Variants in CCND3 observed in about 807,000 individuals in gnomAD.
CCND3 encodes cyclin D3.
Under a neutral mutation model 28.7 loss-of-function variants are expected in CCND3, and 9 were observed. That is an observed-to-expected ratio of 0.31 (90% CI 0.19 to 0.55). CCND3 has a LOEUF of 0.55. Among genes scored for constraint, CCND3 ranks in the 20% least tolerant of loss-of-function variants. CCND3 has a pLI of 0.93. For missense variants in CCND3, 315 were observed against 385.8 expected (o/e 0.82, Z 1.54); for synonymous variants, 164 against 163.9 (o/e 1.00, Z 0.00).
intron 1 of CCND3, among the ~76,000 whole-genome samples, chr6:41,977,049 C>T (rs1379715399): frequency 6.6e-6 from 1 of 152,172 alleles, no homozygotes; most frequent in African/African-American, 2.4e-5. Context: ...TATCCAAAAG[C>T]TCGCGTTTGT....
intron 1 of CCND3, among the ~76,000 whole-genome samples, chr6:41,958,459 G>A (rs1776493348): frequency 6.6e-6 from 1 of 152,046 alleles, no homozygotes. Flanking sequence ...CATTCACTTG[G>A]TCCACAGAAC....
rs7761947 is a variant in CCND3, at chr6:41,988,818, G to A, written c.-45-48233C>T. Reference sequence around the variant, plus strand: ...GGTTCACGCCATTCTCCTGCCTGAGGCTCCCGAATAGCTGGGACTACAGGC... The same window carrying A: ...GGTTCACGCCATTCTCCTGCCTGAGACTCCCGAATAGCTGGGACTACAGGC... On this transcript the variant is annotated intron_variant, in intron 1 of 4. Coordinates refer to the CCND3 transcript ENST00000372988. Among the ~76,000 whole-genome samples the A allele has an allele frequency of 6.7e-4, 101 of 150,380 alleles. 1 individual carries two copies. The highest frequency in any genetic ancestry group is 2.4e-3 in the African/African-American group (100 of 41,026).
chr6:41,974,240 T>A (rs1210262028), intron 1 of CCND3, among the ~76,000 whole-genome samples: 2 of 152,066 alleles, frequency 1.3e-5, no homozygotes, highest in Non-Finnish European at 2.9e-5. Context: ...TGTGATACTA[T>A]CATTCGTGCA....
intron 1 of CCND3, among the ~76,000 whole-genome samples, chr6:42,023,495 T>C (rs1763774030): frequency 6.6e-6 from 1 of 152,196 alleles, no homozygotes; most frequent in Non-Finnish European, 1.5e-5. Context: ...ATGAAAGTCT[T>C]GTGACCAGTG....
intron 1 of CCND3, among the ~76,000 whole-genome samples, chr6:42,011,294 A>G (rs1763339586): frequency 6.6e-6 from 1 of 152,030 alleles, no homozygotes; most frequent in African/African-American, 2.4e-5. Context: ...GGCTAATTTT[A>G]AAAATTTATT....
At chr6:42,017,106 T>G (rs926297915) in intron 1 of CCND3, among the ~76,000 whole-genome samples, 2 of 152,194 alleles carry the variant, frequency 1.3e-5, no homozygotes, top group African/African-American at 4.8e-5. Flanking sequence ...GGACAAGGTC[T>G]GTTTCTGTCC....
intron 1 of CCND3, among the ~76,000 whole-genome samples, chr6:41,961,576 CA>C (rs1377990008): frequency 6.6e-6 from 1 of 151,628 alleles, no homozygotes; most frequent in African/African-American, 2.4e-5. Flanking sequence ...CAAAAAACAA[CA>C]ACAACAAAAA....
At chr6:41,965,822 T>G (rs909164315) in intron 1 of CCND3, among the ~76,000 whole-genome samples, 1 of 152,220 alleles carries the variant, frequency 6.6e-6, no homozygotes, top group Non-Finnish European at 1.5e-5. Context: ...GGTCGAACTT[T>G]CACTAGCTCG....
intron 1 of CCND3, among the ~76,000 whole-genome samples, chr6:42,039,491 G>C (rs933437010): frequency 3.9e-5 from 6 of 152,276 alleles, no homozygotes; most frequent in Middle Eastern, 3.4e-3. Context: ...TCACTTGAAG[G>C]CCAAGGTGAG....
rs1028870339 is a variant in CCND3, at chr6:41,979,224, C to T, written c.-45-38639G>A. Among the ~76,000 whole-genome samples, 6 of 140,938 alleles carry T rather than the reference C, an allele frequency of 4.3e-5. No individual in the cohort carries two copies. In the South Asian group the frequency reaches 1.2e-3, roughly 28 times the overall value. The allele number at this position is 140,938 out of a possible 152,430, so 92.5% of individuals were successfully genotyped here. A position where few individuals can be genotyped will look rare whatever the true frequency, so the allele number is the denominator to read the frequency against. ...CTTGTTCTTTTGGAAAGTAACTTAT[C>T]AAGGCTTTTAAAAATATTCAAAATA... On this transcript the variant is annotated intron_variant, in intron 1 of 4. Transcript: ENST00000372988.
At chr6:41,961,570 A>C (rs913337365) in intron 1 of CCND3, among the ~76,000 whole-genome samples, 1 of 152,016 alleles carries the variant, frequency 6.6e-6, no homozygotes, top group African/African-American at 2.4e-5. Flanking sequence ...CTGTCTCAAA[A>C]AACAACAACA....
intron 1 of CCND3, among the ~76,000 whole-genome samples, chr6:42,019,216 G>A (rs926454989): frequency 1.3e-4 from 20 of 152,036 alleles, no homozygotes; most frequent in African/African-American, 2.9e-4. Context: ...GGCCTGGAGC[G>A]GTGGCTCCCA....
chr6:41,944,178 A>T (rs1042879361), upstream of CCND3, among the ~76,000 whole-genome samples: 2 of 152,004 alleles, frequency 1.3e-5, no homozygotes, highest in Admixed American at 6.6e-5. Context: ...CAAAAAATAA[A>T]AAAAAAAAAT....
intron 1 of CCND3, among the ~76,000 whole-genome samples, chr6:41,978,016 C>T (rs113566459): frequency 6.6e-6 from 1 of 151,602 alleles, no homozygotes; most frequent in African/African-American, 2.4e-5. Context: ...GATTATGCCA[C>T]TGCACTCTAG....
Position 41,941,550 on chromosome 6 carries a change from G to A in CCND3, c.100C>T (p.Leu34=), listed in dbSNP as rs556229606. 13 of 1,593,878 alleles carry A rather than the reference G, an allele frequency of 8.2e-6. No homozygotes were observed. The East Asian group carries it at 2.7e-4, about 34-fold the overall frequency. The change falls in exon 1 of 5, where the codon CTG becomes TTG. Residue 34 remains leucine (L), a synonymous_variant. Transcript: ENST00000372991. The surrounding 1 kb of genome is among the most constrained non-coding windows in gnomAD (Gnocchi z 6.1). The part of the protein sequence containing the change: ...DQRVLQSLLR[L]EERYVPRASY... ...GCGCGGGGTACGTAGCGCTCCTCCAGGCGGAGCAGGCTCTGCAGGACACGC... is the reference window on the plus strand; with the variant it reads ...GCGCGGGGTACGTAGCGCTCCTCCAAGCGGAGCAGGCTCTGCAGGACACGC...
At chr6:41,946,185 AC>A (rs544740794), upstream of CCND3, among the ~76,000 whole-genome samples, 2 of 152,018 alleles carry the variant, frequency 1.3e-5, no homozygotes. Flanking sequence ...TAACAGTAGT[AC>A]CCCCCCACAG....
intron 1 of CCND3, among the ~76,000 whole-genome samples, chr6:41,949,740 T>C (rs1776257131): frequency 6.6e-6 from 1 of 151,952 alleles, no homozygotes. Context: ...ATAAGCTGCT[T>C]GGGAAAAGAA....
At chr6:41,981,173 C>A (rs1441923205) in intron 1 of CCND3, among the ~76,000 whole-genome samples, 1 of 152,038 alleles carries the variant, frequency 6.6e-6, no homozygotes, top group Admixed American at 6.6e-5. Context: ...GCAATTATAG[C>A]AAGTTGCAGG....
intron 1 of CCND3, among the ~76,000 whole-genome samples, chr6:42,019,146 A>G (rs538500165): frequency 9.3e-4 from 142 of 152,260 alleles, no homozygotes; most frequent in Admixed American, 3.8e-3. Context: ...AGTTTGTATA[A>G]TGTCAGATAC....
Sources: gnomAD v4.1 joint callset for allele counts (sites outside exome capture counted in the v4.1 genomes callset) on GRCh38, gnomAD v4.1.1 for gene constraint, Gnocchi (gnomAD v3.1) non-coding constraint, MANE v1.5 for transcripts, NCBI Gene and HGNC (gene_info 2026-07-23, HGNC 2026-07-21) for gene names.